FIP1L1: variants seen among roughly 807,000 people sequenced by gnomAD.
FIP1L1 encodes factor interacting with PAPOLA and CPSF1.
A neutral mutation model predicts 84.6 loss-of-function variants in FIP1L1; 21 were observed. That is an observed-to-expected ratio of 0.25 (90% CI 0.18 to 0.36). FIP1L1 has a LOEUF of 0.36. FIP1L1 is among the 10% of genes least tolerant of loss of function. The pLI is 1.00. For synonymous variants in FIP1L1, 263 were observed against 242.3 expected (o/e 1.09, Z -0.80); for missense variants, 526 against 751.1 (o/e 0.70, Z 3.50).
intron 10 of FIP1L1, among the ~76,000 whole-genome samples, chr4:53,407,432 A>T (rs6856896): frequency 0.13 from 19,758 of 152,060 alleles, 2,559 homozygotes; most frequent in African/African-American, 0.32. Flanking sequence ...ACTTCCATCT[A>T]TGTGGTCAGT....
At chr4:53,380,230 G>A (rs891021410) in intron 3 of FIP1L1, among the ~76,000 whole-genome samples, 3 of 152,156 alleles carry the variant, frequency 2.0e-5, no homozygotes, top group East Asian at 1.9e-4. Flanking sequence ...AGAAAACCTC[G>A]CAGCTGCATC....
chr4:53,452,848 A>G, intron 15 of FIP1L1, 72 bp from the exon 16 acceptor site: 1 of 1,084,064 alleles, frequency 9.2e-7, no homozygotes, highest in Non-Finnish European at 1.4e-6. Flanking sequence ...TAATCTCATG[A>G]CACATTTTTG....
At chr4:53,425,553 T>G (rs1763997498) in intron 11 of FIP1L1, among the ~76,000 whole-genome samples, 3 of 152,152 alleles carry the variant, frequency 2.0e-5, no homozygotes, top group Admixed American at 2.0e-4. Flanking sequence ...TAGCATTTGC[T>G]GTCTTATTTA....
chr4:53,390,771 A>G (rs1743855076), intron 7 of FIP1L1, 143 bp downstream of exon 7: 1 of 631,652 alleles, frequency 1.6e-6, no homozygotes, highest in Non-Finnish European at 2.6e-6. Context: ...ATGACTTGGG[A>G]TTATTAAATC....
At chr4:53,401,227 A>C (rs913516400) in intron 10 of FIP1L1, among the ~76,000 whole-genome samples, 1 of 152,310 alleles carries the variant, frequency 6.6e-6, no homozygotes, top group Non-Finnish European at 1.5e-5. Context: ...AAAAATCAAT[A>C]GTTTTTCTGT....
chr4:53,388,288 T>C (rs1742205426), intron 5 of FIP1L1, among the ~76,000 whole-genome samples: 1 of 151,768 alleles, frequency 6.6e-6, no homozygotes, highest in African/African-American at 2.4e-5. Flanking sequence ...ATAACATGAA[T>C]ATAATGTGAG....
Position 53,428,103 on chromosome 4 carries a change from C to T in FIP1L1, c.1094C>T (p.Pro365Leu). Residue 365 changes from proline to leucine, a missense_variant, in exon 13 of 18, where the codon CCT (proline) becomes CTT (leucine). Around this residue, in one of 6 missense-constraint regions of FIP1L1, gnomAD observed 80 missense variants for 151.1 expected, o/e 0.53. Coordinates refer to ENST00000337488, the MANE Select transcript of FIP1L1 (RefSeq NM_030917.4). ...KPPPFFPPGA[P>L]PTHLPPPPFL... ...CCTCCGTTTTTCCCTCCAGGAGCTCCTCCCACTCACCTTCCACCTCCTCCA... is the reference window on the plus strand; with the variant it reads ...CCTCCGTTTTTCCCTCCAGGAGCTCTTCCCACTCACCTTCCACCTCCTCCA... The T allele has an allele frequency of 6.2e-7, 1 of 1,610,634 alleles. No individual in the cohort carries two copies.
chr4:53,404,640 T>C (rs1351433511), intron 10 of FIP1L1, among the ~76,000 whole-genome samples: 2 of 151,640 alleles, frequency 1.3e-5, no homozygotes, highest in African/African-American at 2.4e-5. Context: ...AGTGTAAAAG[T>C]GTTCCTATTT....
chr4:53,381,753 CTTTTTTT>C (rs531488760), intron 3 of FIP1L1, among the ~76,000 whole-genome samples: 18 of 87,942 alleles, frequency 2.0e-4, no homozygotes, highest in South Asian at 5.0e-4. Context: ...CATTTGCATT[CTTTTTTT>C]TTTTTTTTTT....
At chr4:53,405,488 C>G (rs79202183) in intron 10 of FIP1L1, among the ~76,000 whole-genome samples, 2 of 151,268 alleles carry the variant, frequency 1.3e-5, no homozygotes, top group African/African-American at 2.4e-5. Flanking sequence ...CTTGGCGATG[C>G]GGGCTCTTTT....
At chr4:53,386,055 C>G (rs2271554) in intron 5 of FIP1L1, among the ~76,000 whole-genome samples, 103,485 of 146,914 alleles carry the variant, frequency 0.7, 35,999 homozygotes, top group Middle Eastern at 0.73. Flanking sequence ...TTTTTTTTTG[C>G]GTAACATACC....
At chr4:53,457,414 G>T (rs1047681163) in intron 16 of FIP1L1, among the ~76,000 whole-genome samples, 2 of 152,042 alleles carry the variant, frequency 1.3e-5, no homozygotes, top group African/African-American at 4.8e-5. Context: ...ATACAAATAT[G>T]TGCAAATGTG....
intron 13 of FIP1L1, among the ~76,000 whole-genome samples, chr4:53,437,584 T>C (rs1440390428): frequency 6.6e-6 from 1 of 152,166 alleles, no homozygotes; most frequent in African/African-American, 2.4e-5. Context: ...TAGGGGAATG[T>C]AGGTTTTCTG....
At chr4:53,419,316 A>G (rs1761145544) in intron 11 of FIP1L1, among the ~76,000 whole-genome samples, 1 of 152,208 alleles carries the variant, frequency 6.6e-6, no homozygotes, top group Non-Finnish European at 1.5e-5. Flanking sequence ...TATGATAAAC[A>G]CTGTTGAAGA....
intron 11 of FIP1L1, among the ~76,000 whole-genome samples, chr4:53,417,988 C>T (rs765052320): frequency 3.9e-5 from 6 of 152,020 alleles, no homozygotes; most frequent in Admixed American, 6.6e-5. Context: ...AGATGTTTTT[C>T]GTAAGTTATT....
intron 10 of FIP1L1, among the ~76,000 whole-genome samples, chr4:53,406,971 C>T (rs1753906355): frequency 6.6e-6 from 1 of 152,242 alleles, no homozygotes; most frequent in Non-Finnish European, 1.5e-5. Context: ...CTGCTGGATT[C>T]ATTGATTTTT....
chr4:53,455,301 G>A (rs796412664), intron 16 of FIP1L1, among the ~76,000 whole-genome samples: 6 of 152,222 alleles, frequency 3.9e-5, no homozygotes, highest in African/African-American at 1.4e-4. Flanking sequence ...CAACTTGTCT[G>A]TTTGGCACAT....
intron 9 of FIP1L1, among the ~76,000 whole-genome samples, chr4:53,395,305 G>C (rs546014629): frequency 6.6e-6 from 1 of 152,074 alleles, no homozygotes; most frequent in Non-Finnish European, 1.5e-5. Context: ...TGGGAAACAC[G>C]GGCAATTTTT....
chr4:53,418,607 A>C (rs1760860070), intron 11 of FIP1L1, among the ~76,000 whole-genome samples: 1 of 152,138 alleles, frequency 6.6e-6, no homozygotes. Context: ...ACATATCCTA[A>C]TGCACAGTTT....
Sources: allele counts gnomAD v4.1 joint callset (sites outside exome capture counted in the v4.1 genomes callset), GRCh38; gene constraint gnomAD v4.1.1; regional missense constraint gnomAD v4.1.1; transcripts MANE v1.5; gene names NCBI Gene and HGNC (gene_info 2026-07-23, HGNC 2026-07-21).